TERF2: variants seen among roughly 807,000 people sequenced by gnomAD.
TERF2 encodes the protein telomeric repeat binding factor 2.
Under a neutral mutation model 56.1 loss-of-function variants are expected in TERF2, and 16 were observed. The ratio of observed to expected loss-of-function variants is 0.29; its 90% CI spans 0.19 to 0.43. The LOEUF is 0.43. Among genes scored for constraint, TERF2 ranks in the 20% least tolerant of loss-of-function variants. The probability of loss-of-function intolerance (pLI) is 1.00; values close to 1 mark genes in which losing one functional copy is unlikely to be tolerated. For synonymous variants in TERF2, 296 were observed against 282.1 expected (o/e 1.05, Z -0.50); for missense variants, 547 against 712.9 (o/e 0.77, Z 2.65).
At chr16:69,363,810 T>C (rs1482393231) in intron 7 of TERF2, among the ~76,000 whole-genome samples, 3 of 151,918 alleles carry the variant, frequency 2.0e-5, no homozygotes, top group African/African-American at 4.8e-5. Flanking sequence ...GTACAAAATA[T>C]ACAAAAATTA....
intron 7 of TERF2, among the ~76,000 whole-genome samples, chr16:69,364,065 C>T (rs2013249077): frequency 6.6e-6 from 1 of 152,156 alleles, no homozygotes; most frequent in African/African-American, 2.4e-5. Flanking sequence ...AAAATGTTAC[C>T]CTCTGCTGGC....
chr16:69,374,357 C>T (rs190763469), intron 3 of TERF2, among the ~76,000 whole-genome samples: 7 of 152,076 alleles, frequency 4.6e-5, no homozygotes, highest in Non-Finnish European at 7.4e-5. Flanking sequence ...CCACTGATCC[C>T]GGTGGCTCAT....
intron 7 of TERF2, chr16:69,365,177 G>C (rs564062371): frequency 7.9e-5 from 12 of 152,294 alleles, no homozygotes; most frequent in African/African-American, 2.4e-4. Flanking sequence ...TCTGTTCCCG[G>C]GAGCAATACC....
chr16:69,366,735 C>T (rs745736288), intron 7 of TERF2, 72 bp downstream of exon 7: 5 of 1,509,212 alleles, frequency 3.3e-6, no homozygotes, highest in Non-Finnish European at 4.4e-6. Context: ...TTACTTCATT[C>T]ACGGAAGTAA....
chr16:69,374,483 ATGGTGGCG>A (rs2013694814), intron 3 of TERF2, among the ~76,000 whole-genome samples: 2 of 151,738 alleles, frequency 1.3e-5, no homozygotes, highest in Admixed American at 6.6e-5. Context: ...GTAGCCAGGC[ATGGTGGCG>A]TGTGCCTGTG....
chr16:69,378,939 T>C (rs2013891841), intron 3 of TERF2, among the ~76,000 whole-genome samples: 2 of 144,500 alleles, frequency 1.4e-5, no homozygotes, highest in Admixed American at 6.9e-5. Flanking sequence ...AAACTATGTA[T>C]TAATTTCCTG....
chr16:69,361,254 C>G (rs1385217075), intron 8 of TERF2, 150 bp downstream of exon 8: 1 of 548,106 alleles, frequency 1.8e-6, no homozygotes, highest in Non-Finnish European at 3.2e-6. Flanking sequence ...AAAAAAAAAA[C>G]TGATTCTTCA....
chr16:69,377,514 G>C (rs974962203), intron 3 of TERF2, among the ~76,000 whole-genome samples: 4 of 152,092 alleles, frequency 2.6e-5, no homozygotes, highest in Admixed American at 1.3e-4. Context: ...TTTTAGTAGA[G>C]ATGGGGTTTC....
chr16:69,374,950 G>A (rs1055424041), intron 3 of TERF2, among the ~76,000 whole-genome samples: 5 of 152,174 alleles, frequency 3.3e-5, no homozygotes, highest in East Asian at 1.9e-4. Context: ...GGGCAACAGA[G>A]TGAGACTCCG....
intron 8 of TERF2, among the ~76,000 whole-genome samples, chr16:69,359,244 T>C (rs933199841): frequency 1.3e-5 from 2 of 152,148 alleles, no homozygotes; most frequent in African/African-American, 4.8e-5. Context: ...TCACATGGTT[T>C]TGGCTGGGTG....
At chr16:69,368,728 G>C in intron 5 of TERF2, 1 of 815,532 alleles carries the variant, frequency 1.2e-6, no homozygotes, top group Non-Finnish European at 1.8e-6. Flanking sequence ...CCAGGCTGCA[G>C]CACAGTGGTG....
At chr16:69,374,902 T>G (rs544832908) in intron 3 of TERF2, among the ~76,000 whole-genome samples, 1 of 146,776 alleles carries the variant, frequency 6.8e-6, no homozygotes, top group Admixed American at 6.8e-5. Flanking sequence ...CAGGCAGAGG[T>G]TGCAGTGAGC....
rs1253017728 is a variant in TERF2, at chr16:69,356,244, G to T, written c.*654C>A. 2.2e-6 allele frequency: 1 copy of T among 453,266 alleles called. No homozygotes were observed. Among genetic ancestry groups the T allele is most frequent in the Admixed American group, 2.4e-5 (1 of 41,754 alleles). 28.1% of individuals were successfully genotyped at this position (453,266 alleles called of 1,614,324 possible). A position where few individuals can be genotyped will look rare whatever the true frequency, so the allele number is the denominator to read the frequency against. On this transcript the variant is annotated 3_prime_UTR_variant, in exon 10 of 10. Transcript: ENST00000254942. The stretch of plus-strand genomic sequence containing the variant: ...TTAACAGGTCATGGAGTCACAAGTG[G>T]CTCCTAATAGACTTCACCATTTCCT...
At chr16:69,357,846 C>CTTTTTTTTTTTTTTTTTTTTTT (rs71383989) in intron 8 of TERF2, among the ~76,000 whole-genome samples, 1 of 121,920 alleles carries the variant, frequency 8.2e-6, no homozygotes, top group Non-Finnish European at 1.7e-5. Context: ...ACATCGTTTT[C>CTTTTTTTTTTTTTTTTTTTTTT]TTTTTTTTTT....
At chr16:69,376,122 G>A (rs543631852) in intron 3 of TERF2, among the ~76,000 whole-genome samples, 131 of 152,124 alleles carry the variant, frequency 8.6e-4, no homozygotes, top group Middle Eastern at 6.8e-3. Context: ...TATTATCTAA[G>A]ATTTTTTTGC....
intron 3 of TERF2, among the ~76,000 whole-genome samples, chr16:69,381,891 ATTT>A (rs777689536): frequency 6.6e-6 from 1 of 151,436 alleles, no homozygotes; most frequent in Admixed American, 6.6e-5. Context: ...TCTTTTTTAA[ATTT>A]TTTTTTAATG....
chr16:69,357,533 A>G lies in TERF2; in HGVS notation c.1455T>C (p.Asn485=), dbSNP rs2012949329. 1.9e-6 allele frequency: 3 copies of G among 1,613,016 alleles called. No individual in the cohort carries two copies. The highest frequency in any genetic ancestry group is 2.5e-6 in the Non-Finnish European group (3 of 1,179,708). ...QAAPDEDSTT[N]ITKKQKWTVE... Reference sequence around the variant, plus strand: ...TTTAAATTACCTGCTTTTTTGTTATATTGGTTGTACTGTCTTCATCTGGTG... The same window carrying G: ...TTTAAATTACCTGCTTTTTTGTTATGTTGGTTGTACTGTCTTCATCTGGTG... The change falls in exon 9 of 10, where the codon AAT becomes AAC. Residue 485 remains asparagine (N), a synonymous_variant. Coordinates refer to ENST00000254942, the MANE Select transcript of TERF2 (RefSeq NM_005652.5).
chr16:69,361,238 G>GT (rs1555505464), intron 8 of TERF2, 166 bp downstream of exon 8: 1 of 472,592 alleles, frequency 2.1e-6, no homozygotes, highest in African/African-American at 2.4e-5. Flanking sequence ...TCTGAAAAAG[G>GT]AAAAAAAAAA....
intron 4 of TERF2, among the ~76,000 whole-genome samples, chr16:69,371,627 C>G (rs184459680): frequency 6.6e-6 from 1 of 151,874 alleles, no homozygotes; most frequent in Admixed American, 6.6e-5. Context: ...CCAGCCTGGG[C>G]AACATAAAGA....
Sources: allele counts gnomAD v4.1 joint callset (sites outside exome capture counted in the v4.1 genomes callset), GRCh38; gene constraint gnomAD v4.1.1; transcripts MANE v1.5; gene names NCBI Gene and HGNC (gene_info 2026-07-23, HGNC 2026-07-21).